CFAP47: variants seen among roughly 807,000 people sequenced by gnomAD.
The protein encoded by CFAP47 is cilia and flagella associated protein 47, also known as cilia- and flagella-associated protein 47.
CFAP47 carries 29 observed loss-of-function variants against 148.1 expected under a neutral mutation model. The observed-to-expected ratio is 0.20, with a 90% CI of 0.15 to 0.27. The LOEUF (loss-of-function observed/expected upper bound fraction) is 0.27. CFAP47 is among the 10% of genes least tolerant of loss of function. CFAP47 has a pLI of 1.00. For synonymous variants in CFAP47, 664 were observed against 577.3 expected (o/e 1.15, Z -2.15); for missense variants, 1,872 against 1,697.5 (o/e 1.10, Z -1.81).
chrX:36,130,955 G>A (rs1938937111), intron 33 of CFAP47, among the ~76,000 whole-genome samples: 1 of 110,395 alleles, frequency 9.1e-6, no homozygotes, highest in Non-Finnish European at 1.9e-5. Context: ...GGGGGAGGTG[G>A]GGATAGTTAA....
At chrX:36,243,247 A>G (rs1451755406) in intron 48 of CFAP47, among the ~76,000 whole-genome samples, 2 of 111,297 alleles carry the variant, frequency 1.8e-5, no homozygotes, top group Non-Finnish European at 3.8e-5. Flanking sequence ...CACATAGCCC[A>G]TAGACATTAT....
intron 39 of CFAP47, among the ~76,000 whole-genome samples, chrX:36,172,473 A>G (rs1176330115): frequency 2.8e-5 from 3 of 108,493 alleles, no homozygotes; most frequent in Non-Finnish European, 5.7e-5. Flanking sequence ...GATACGTCCC[A>G]TCAATACCTA....
At chrX:36,232,804 G>T (rs1407790017) in intron 46 of CFAP47, among the ~76,000 whole-genome samples, 1 of 111,526 alleles carries the variant, frequency 9.0e-6, no homozygotes, top group Non-Finnish European at 1.9e-5. Flanking sequence ...CAGAGATTCT[G>T]GTATGTTGTG....
intron 30 of CFAP47, among the ~76,000 whole-genome samples, chrX:36,093,605 G>A (rs1365858920): frequency 3.6e-5 from 4 of 110,555 alleles, no homozygotes; most frequent in African/African-American, 1.3e-4. Context: ...AAAATGAAAT[G>A]AGAAATAGAA....
intron 57 of CFAP47, among the ~76,000 whole-genome samples, chrX:36,338,562 C>A (rs1487723570): frequency 9.0e-6 from 1 of 111,630 alleles, no homozygotes; most frequent in African/African-American, 3.3e-5. Flanking sequence ...ACAGTTGATC[C>A]CCAGGAATCA....
intron 49 of CFAP47, among the ~76,000 whole-genome samples, chrX:36,259,770 T>G (rs1427011459): frequency 9.0e-6 from 1 of 111,212 alleles, no homozygotes; most frequent in East Asian, 2.8e-4. Flanking sequence ...ATGGATAAAT[T>G]GCATGTTGCT....
chrX:36,101,710 T>C (rs1011348504), intron 32 of CFAP47, among the ~76,000 whole-genome samples: 1 of 111,597 alleles, frequency 9.0e-6, no homozygotes, highest in Non-Finnish European at 1.9e-5. Context: ...AGATCATACA[T>C]AAACTGACAA....
intron 33 of CFAP47, among the ~76,000 whole-genome samples, chrX:36,135,242 T>G (rs912523798): frequency 2.2e-4 from 24 of 110,961 alleles, no homozygotes; most frequent in East Asian, 2.9e-4. Context: ...ACTAAAGAAC[T>G]TACTCATGTA....
intron 49 of CFAP47, among the ~76,000 whole-genome samples, chrX:36,263,417 G>A (rs1940853352): frequency 8.9e-6 from 1 of 111,929 alleles, no homozygotes. Context: ...CATTCTTGAA[G>A]GTGGATAGTC....
chrX:36,246,044 GC>G (rs1168805968), intron 48 of CFAP47, among the ~76,000 whole-genome samples: 3 of 111,242 alleles, frequency 2.7e-5, no homozygotes, highest in Non-Finnish European at 5.7e-5. Flanking sequence ...AAAGTAAATT[GC>G]AACAAATCAA....
At chrX:36,345,210 T>C (rs1941687172) in intron 57 of CFAP47, among the ~76,000 whole-genome samples, 1 of 111,629 alleles carries the variant, frequency 9.0e-6, no homozygotes, top group Non-Finnish European at 1.9e-5. Flanking sequence ...CATGAAAATA[T>C]AGAATTCATA....
intron 2 of CFAP47, among the ~76,000 whole-genome samples, chrX:35,939,578 AATG>A (rs1303230541): frequency 5.6e-5 from 5 of 89,239 alleles, no homozygotes; most frequent in Non-Finnish European, 1.1e-4. Context: ...GTTTACTGAG[AATG>A]ATGATTTCCA....
chrX:36,109,503 G>A (rs1454052274), intron 33 of CFAP47, among the ~76,000 whole-genome samples: 2 of 111,027 alleles, frequency 1.8e-5, no homozygotes, highest in African/African-American at 6.6e-5. Context: ...TTGAGATGGA[G>A]TCTAGCTCTG....
intron 3 of CFAP47, among the ~76,000 whole-genome samples, chrX:35,942,199 G>C (rs1190747178): frequency 1.8e-5 from 2 of 111,491 alleles, no homozygotes; most frequent in Admixed American, 1.9e-4. Context: ...CTCCAGACAG[G>C]GAGGGTATTT....
chrX:36,164,994 C>T (rs73197165), intron 39 of CFAP47, among the ~76,000 whole-genome samples: 4,129 of 111,577 alleles, frequency 0.037, 138 homozygotes, highest in African/African-American at 0.11. Flanking sequence ...TGGCCTTCTT[C>T]GCTTCTATGA....
intron 30 of CFAP47, among the ~76,000 whole-genome samples, chrX:36,092,816 A>C (rs554895490): frequency 9.1e-6 from 1 of 109,998 alleles, no homozygotes; most frequent in East Asian, 2.8e-4. Flanking sequence ...GACTAGAGTC[A>C]CTCTGTTGTG....
intron 33 of CFAP47, among the ~76,000 whole-genome samples, chrX:36,129,184 AT>A (rs1938900216): frequency 9.0e-6 from 1 of 110,871 alleles, no homozygotes; most frequent in African/African-American, 3.3e-5. Flanking sequence ...TTTGTAACAT[AT>A]TTTTGTGAAA....
At chrX:36,045,677 C>T (rs1301666860) in intron 25 of CFAP47, among the ~76,000 whole-genome samples, 1 of 112,272 alleles carries the variant, frequency 8.9e-6, no homozygotes, top group Non-Finnish European at 1.9e-5. Context: ...TATAAATAGA[C>T]ACTAACCTTT....
intron 49 of CFAP47, among the ~76,000 whole-genome samples, chrX:36,271,883 G>T (rs1287545492): frequency 9.0e-6 from 1 of 111,691 alleles, no homozygotes; most frequent in Non-Finnish European, 1.9e-5. Flanking sequence ...TTACAAATGG[G>T]TAACTCATTT....
Sources: allele counts gnomAD v4.1 joint callset (sites outside exome capture counted in the v4.1 genomes callset), GRCh38; gene constraint gnomAD v4.1.1; transcripts MANE v1.5; gene names NCBI Gene and HGNC (gene_info 2026-07-23, HGNC 2026-07-21).